Variants in UBASH3B observed in about 807,000 individuals in gnomAD.
UBASH3B encodes ubiquitin associated and SH3 domain containing B, also known as ubiquitin-associated and SH3 domain-containing protein B.
Under a neutral mutation model 83.4 loss-of-function variants are expected in UBASH3B, and 37 were observed. That is an observed-to-expected ratio of 0.44 (90% CI 0.34 to 0.58). UBASH3B has a LOEUF of 0.58. UBASH3B is among the 20% of genes least tolerant of loss of function. The probability of loss-of-function intolerance (pLI) is 0.01; values close to 1 mark genes in which losing one functional copy is unlikely to be tolerated. For synonymous variants in UBASH3B, 304 were observed against 318.3 expected (o/e 0.96, Z 0.48); for missense variants, 657 against 827.2 (o/e 0.79, Z 2.52).
At chr11:122,730,983 C>G (rs1205503334) in intron 1 of UBASH3B, among the ~76,000 whole-genome samples, 2 of 152,182 alleles carry the variant, frequency 1.3e-5, no homozygotes, top group African/African-American at 4.8e-5. Context: ...CTTCTGCCCC[C>G]TAAAGGTTCT....
chr11:122,670,606 A>G lies in UBASH3B; in HGVS notation c.161+14396A>G, dbSNP rs114173108. On this transcript the variant is annotated intron_variant, in intron 1 of 13. Transcript: ENST00000284273. ...AGAGCCTGACCTTAAGTGCACGATA[A>G]ATGGTAGGCATGGTGGTTGGGCTTA... Among the ~76,000 whole-genome samples, 547 of 152,256 alleles carry G rather than the reference A, an allele frequency of 3.6e-3. 1 individual carries two copies. Among genetic ancestry groups the G allele is most frequent in the African/African-American group, 0.013 (526 of 41,552 alleles).
chr11:122,801,300 T>G lies in UBASH3B; in HGVS notation c.1563T>G (p.Ala521=). Residue 521 remains alanine (A), a synonymous_variant, in exon 11 of 14, where the codon GCT becomes GCG. Transcript: ENST00000284273. ...CATGGATACCTCCATCAGAGTTAGCTGCAGCCAACCTGAGTGTTGATACAA... is the reference window on the plus strand; with the variant it reads ...CATGGATACCTCCATCAGAGTTAGCGGCAGCCAACCTGAGTGTTGATACAA... ...LPAWIPPSEL[A]AANLSVDTTY... The G allele has an allele frequency of 1.2e-6, 2 of 1,614,194 alleles. No individual in the cohort carries two copies. The highest frequency in any genetic ancestry group is 1.7e-6 in the Non-Finnish European group (2 of 1,180,034).
chr11:122,746,473 C>T (rs2135964479), intron 1 of UBASH3B, among the ~76,000 whole-genome samples: 1 of 152,278 alleles, frequency 6.6e-6, no homozygotes, highest in East Asian at 1.9e-4. Flanking sequence ...AAGAAAGCGT[C>T]ACTTCATTCA....
intron 1 of UBASH3B, among the ~76,000 whole-genome samples, chr11:122,680,993 G>A (rs1321222221): frequency 2.6e-5 from 4 of 152,148 alleles, no homozygotes; most frequent in East Asian, 1.9e-4. Context: ...AGCAAGACCC[G>A]AGGCATTTCA....
At chr11:122,674,992 G>A (rs746125353) in intron 1 of UBASH3B, among the ~76,000 whole-genome samples, 23 of 152,140 alleles carry the variant, frequency 1.5e-4, no homozygotes, top group Non-Finnish European at 2.6e-4. Context: ...GTCTCCCAAA[G>A]TACTGGGATT....
At position 122,806,308 on chromosome 11, in the gene UBASH3B, C is replaced by T. The variant is rs970576432; in HGVS notation, c.1596-102C>T. 66 of 979,814 alleles carry T rather than the reference C, an allele frequency of 6.7e-5. No individual in the cohort carries two copies. Among genetic ancestry groups the T allele is most frequent in the Non-Finnish European group, 8.9e-5 (58 of 651,236 alleles). 60.7% of individuals were successfully genotyped at this position (979,814 alleles called of 1,614,324 possible). A position where few individuals can be genotyped will look rare whatever the true frequency, so the allele number is the denominator to read the frequency against. ...GGAAATGGATAAACAAACAGATCTA[C>T]GGGATCTTTAGAAATGCCTTGAAAT... On this transcript the variant is annotated intron_variant, in intron 11 of 13. Transcript: ENST00000284273. The surrounding 1 kb of genome is among the most constrained non-coding windows in gnomAD (Gnocchi z 4.0).
At chr11:122,706,190 C>A (rs1290832807) in intron 1 of UBASH3B, among the ~76,000 whole-genome samples, 1 of 145,118 alleles carries the variant, frequency 6.9e-6, no homozygotes, top group Non-Finnish European at 1.5e-5. Context: ...GATCTCAGCT[C>A]ACTGCAACCT....
At chr11:122,760,696 G>C (rs1161254619) in intron 1 of UBASH3B, among the ~76,000 whole-genome samples, 2 of 152,168 alleles carry the variant, frequency 1.3e-5, no homozygotes, top group African/African-American at 4.8e-5. Flanking sequence ...GAAGAACCAG[G>C]GAGCAGAATG....
At chr11:122,701,838 C>G (rs115819451) in intron 1 of UBASH3B, among the ~76,000 whole-genome samples, 1 of 152,048 alleles carries the variant, frequency 6.6e-6, no homozygotes, top group Non-Finnish European at 1.5e-5. Context: ...TCTGAGCCCT[C>G]GTACTGCCAT....
intron 1 of UBASH3B, 42 bp downstream of exon 1, chr11:122,656,252 C>T (rs1263619523): frequency 2.9e-6 from 4 of 1,357,890 alleles, no homozygotes; most frequent in Non-Finnish European, 3.8e-6. Context: ...CCCTCCCGCG[C>T]GCGCGGCCGG....
chr11:122,756,497 TC>T (rs758688931), intron 1 of UBASH3B, among the ~76,000 whole-genome samples: 11 of 152,222 alleles, frequency 7.2e-5, no homozygotes, highest in Non-Finnish European at 1.3e-4. Context: ...CCCATTTATT[TC>T]CAGTGTCTGG....
chr11:122,724,754 A>G (rs1346617573), intron 1 of UBASH3B, among the ~76,000 whole-genome samples: 1 of 152,134 alleles, frequency 6.6e-6, no homozygotes, highest in African/African-American at 2.4e-5. Context: ...CAGCATGTGC[A>G]GGAAATGACA....
chr11:122,730,203 C>A (rs996930972), intron 1 of UBASH3B, among the ~76,000 whole-genome samples: 1 of 152,054 alleles, frequency 6.6e-6, no homozygotes, highest in African/African-American at 2.4e-5. Context: ...GAAGAATTGC[C>A]TGAACCCAGG....
intron 1 of UBASH3B, among the ~76,000 whole-genome samples, chr11:122,731,720 G>A (rs1565544993): frequency 6.6e-6 from 1 of 152,168 alleles, no homozygotes; most frequent in Non-Finnish European, 1.5e-5. Flanking sequence ...GTTTATTTCT[G>A]CAATTTTTCA....
chr11:122,785,858 C>T (rs1272819730), intron 5 of UBASH3B, among the ~76,000 whole-genome samples: 1 of 152,128 alleles, frequency 6.6e-6, no homozygotes, highest in African/African-American at 2.4e-5. Context: ...GTGGGTGCAA[C>T]AGCAACGAAA....
At chr11:122,700,497 C>CTTTTTTTTTT (rs10640825) in intron 1 of UBASH3B, among the ~76,000 whole-genome samples, 1 of 118,804 alleles carries the variant, frequency 8.4e-6, no homozygotes, top group Non-Finnish European at 1.6e-5. Context: ...TACTTCTGAT[C>CTTTTTTTTTT]TTTTTTTTTT....
intron 1 of UBASH3B, among the ~76,000 whole-genome samples, chr11:122,703,036 GTCCTCTT>G (rs540171429): frequency 1.2e-3 from 187 of 152,216 alleles, no homozygotes; most frequent in African/African-American, 4.3e-3. Context: ...CTTTTGAAAT[GTCCTCTT>G]TCCTCTTTCC....
chr11:122,669,585 T>C (rs181757665), intron 1 of UBASH3B, among the ~76,000 whole-genome samples: 21 of 152,320 alleles, frequency 1.4e-4, no homozygotes, highest in Admixed American at 2.6e-4. Flanking sequence ...AAGCGCTTGG[T>C]CTGCCTTTCC....
chr11:122,681,523 G>A (rs1398119456), intron 1 of UBASH3B, among the ~76,000 whole-genome samples: 3 of 152,126 alleles, frequency 2.0e-5, no homozygotes, highest in Non-Finnish European at 4.4e-5. Flanking sequence ...GTAGGTCCTC[G>A]GGGAACATGG....
Sources: gnomAD v4.1 joint callset for allele counts (sites outside exome capture counted in the v4.1 genomes callset) on GRCh38, gnomAD v4.1.1 for gene constraint, Gnocchi (gnomAD v3.1) non-coding constraint, MANE v1.5 for transcripts, NCBI Gene and HGNC (gene_info 2026-07-23, HGNC 2026-07-21) for gene names.